The following STK36 variants were observed in gnomAD, a reference collection of about 807,000 sequenced individuals.
The protein encoded by STK36 is serine/threonine kinase 36, also known as serine/threonine-protein kinase 36.
In STK36, 116 loss-of-function variants were observed where a neutral mutation model predicts 142.2. The observed-to-expected ratio is 0.82, with a 90% confidence interval of 0.70 to 0.95. The LOEUF (loss-of-function observed/expected upper bound fraction) is 0.95. Ranked by LOEUF, STK36 falls within the 40% of genes least tolerant of loss-of-function variation. STK36 has a pLI of 0.00. For missense variants in STK36, 1,422 were observed against 1,617.2 expected (o/e 0.88, Z 2.07); for synonymous variants, 619 against 641.7 (o/e 0.96, Z 0.53).
At chr2:218,691,090 T>C (rs76550234) in intron 14 of STK36, among the ~76,000 whole-genome samples, 2,236 of 152,214 alleles carry the variant, frequency 0.015, 21 homozygotes, top group Non-Finnish European at 0.024. Flanking sequence ...CATCTAGTAT[T>C]GTCTAACCTC....
intron 10 of STK36, 90 bp downstream of exon 10, chr2:218,680,792 C>A: frequency 9.3e-7 from 1 of 1,077,982 alleles, no homozygotes; most frequent in Non-Finnish European, 1.4e-6. Flanking sequence ...TTCCCAACTC[C>A]CTAAGTATGA....
At chr2:218,690,920 C>T (rs1275246006) in intron 14 of STK36, among the ~76,000 whole-genome samples, 2 of 152,200 alleles carry the variant, frequency 1.3e-5, no homozygotes, top group Non-Finnish European at 2.9e-5. Context: ...TCTCTGCTAG[C>T]ATTTGAAGAA....
At position 218,672,090 on chromosome 2, in the gene STK36, G is replaced by A. The variant is rs1940003877; in HGVS notation, c.-215G>A. On this transcript the variant is annotated 5_prime_UTR_variant, in exon 1 of 27. Transcript: ENST00000295709. Reference sequence around the variant, plus strand: ...AACCGCAGACTCCGGGTCCTTAGCCGGGCCTGATGGCCCTGAGGCAGTTCG... The same window carrying A: ...AACCGCAGACTCCGGGTCCTTAGCCAGGCCTGATGGCCCTGAGGCAGTTCG... 1 of 1,272,158 alleles carries A rather than the reference G, an allele frequency of 7.9e-7. No individual in the cohort carries two copies. Among genetic ancestry groups the A allele is most frequent in the Non-Finnish European group, 1.1e-6 (1 of 889,596 alleles). The allele number at this position is 1,272,158 out of a possible 1,614,324, so 78.8% of individuals were successfully genotyped here.
chr2:218,701,283 C>T (rs1300680111), intron 26 of STK36, among the ~76,000 whole-genome samples: 23 of 151,416 alleles, frequency 1.5e-4, no homozygotes, highest in Admixed American at 2.6e-4. Flanking sequence ...AGGCACCTGC[C>T]GCCACACCCA....
Position 218,696,582 on chromosome 2 carries a change from T to TAGAA in STK36, c.2567_2568insAGAA (p.Leu857GlufsTer7). ...TTCTATGATGGCCTCCTTATCCTTC[T>TAGAA]GTTGCAGCTCCTCACTGAGGTACAG... On this transcript the variant is annotated frameshift_variant, in exon 22 of 27. Transcript: ENST00000295709. LOFTEE classifies it high-confidence loss of function. The TAGAA allele has an allele frequency of 6.2e-7, 1 of 1,614,210 alleles. No homozygotes were observed. The highest frequency in any genetic ancestry group is 1.3e-5 in the African/African-American group (1 of 75,070).
rs149512250 is a variant in STK36 at position 218,695,114 on chromosome 2, C to G, written c.2511+479C>G. Among the ~76,000 whole-genome samples the G allele has an allele frequency of 3.5e-4, 53 of 152,172 alleles. 1 individual carries two copies. The highest frequency in any genetic ancestry group is 6.8e-3 in the Middle Eastern group (2 of 294). ...CATTATGTAGCCTTCTTTCTGCTTT[C>G]TCCTTTCCCAGGACTTTTCTTCCTT... is the stretch of plus-strand genomic sequence containing the variant. On this transcript the variant is annotated intron_variant, in intron 21 of 26. Coordinates refer to ENST00000295709, the MANE Select transcript of STK36 (RefSeq NM_015690.5).
intron 10 of STK36, chr2:218,684,880 G>A (rs544802813): frequency 9.0e-5 from 46 of 509,392 alleles, no homozygotes; most frequent in Non-Finnish European, 1.3e-4. Context: ...CACACATGCC[G>A]GTGTTCTCCA....
At chr2:218,700,017 G>A (rs377024952) in intron 26 of STK36, among the ~76,000 whole-genome samples, 23 of 151,608 alleles carry the variant, frequency 1.5e-4, no homozygotes, top group Admixed American at 5.9e-4. Flanking sequence ...TCTGCCTCCC[G>A]GGTTCAAGCA....
In STK36 at chr2:218,673,134, C is replaced by T. The variant is rs1284940717; in HGVS notation, c.84+221C>T. On this transcript the variant is annotated intron_variant, in intron 2 of 26. Coordinates refer to ENST00000295709, the MANE Select transcript of STK36 (RefSeq NM_015690.5). Reference sequence around the variant, plus strand: ...AATTATGGACAAATTACTTAACTTCCCTATGTCTCAATTTCCTTATCTCTA... The same window carrying T: ...AATTATGGACAAATTACTTAACTTCTCTATGTCTCAATTTCCTTATCTCTA... 3 of 489,140 alleles carry T rather than the reference C, an allele frequency of 6.1e-6. No individual in the cohort carries two copies. In the East Asian group the frequency reaches 1.0e-4, roughly 17 times the overall value. 30.3% of individuals were successfully genotyped at this position (489,140 alleles called of 1,614,324 possible).
intron 12 of STK36, among the ~76,000 whole-genome samples, 163 bp downstream of exon 12, chr2:218,689,039 C>T (rs1363536676): frequency 6.6e-6 from 1 of 152,158 alleles, no homozygotes; most frequent in Admixed American, 6.5e-5. Flanking sequence ...CCTTCTGGGG[C>T]CAGGCAGATA....
intron 11 of STK36, chr2:218,688,461 C>T: frequency 1.7e-6 from 1 of 595,134 alleles, no homozygotes; most frequent in Non-Finnish European, 3.1e-6. Context: ...GAGGAGAGGC[C>T]CCTATCCGTT....
intron 21 of STK36, among the ~76,000 whole-genome samples, chr2:218,695,222 C>CTTTTTT (rs531122836): frequency 9.9e-4 from 87 of 88,070 alleles, no homozygotes; most frequent in South Asian, 1.9e-3. Flanking sequence ...ATTGTCATCC[C>CTTTTTT]TTTTTTTTTT....
At chr2:218,677,093 C>G (rs1016325815) in intron 6 of STK36, among the ~76,000 whole-genome samples, 1 of 152,148 alleles carries the variant, frequency 6.6e-6, no homozygotes, top group African/African-American at 2.4e-5. Flanking sequence ...ACCACCATGC[C>G]TGGCTAATTT....
chr2:218,690,135 C>T (rs1940939742), intron 13 of STK36, among the ~76,000 whole-genome samples, 179 bp downstream of exon 13: 1 of 152,122 alleles, frequency 6.6e-6, no homozygotes, highest in Non-Finnish European at 1.5e-5. Flanking sequence ...CCAACTTGGC[C>T]TCAAGACTTA....
chr2:218,688,509 A>G (rs949507556), intron 11 of STK36, 188 bp from the exon 12 acceptor site: 8 of 679,254 alleles, frequency 1.2e-5, no homozygotes, highest in Non-Finnish European at 2.0e-5. Context: ...CTGACCATCT[A>G]TTGTCTTCTT....
intron 13 of STK36, 146 bp downstream of exon 13, chr2:218,690,102 CT>C: frequency 2.6e-6 from 2 of 762,138 alleles, no homozygotes; most frequent in Non-Finnish European, 2.1e-6. Context: ...ACTCATAGTC[CT>C]TTTAAGGACC....
chr2:218,677,507 G>A (rs970436041), intron 6 of STK36, among the ~76,000 whole-genome samples: 10 of 152,216 alleles, frequency 6.6e-5, no homozygotes, highest in Non-Finnish European at 1.5e-4. Context: ...GGTAACTCCA[G>A]TTTGAGCCAG....
chr2:218,689,697 T>G (rs1024197776), intron 12 of STK36, among the ~76,000 whole-genome samples, 162 bp from the exon 13 acceptor site: 1 of 152,228 alleles, frequency 6.6e-6, no homozygotes, highest in Admixed American at 6.5e-5. Context: ...CATTGGCAGA[T>G]TCTCTGTTAC....
At chr2:218,684,995 T>C in intron 10 of STK36, 90 bp from the exon 11 acceptor site, 1 of 1,542,468 alleles carries the variant, frequency 6.5e-7, no homozygotes. Context: ...TTGCAGTTAC[T>C]TCATGATTCC....
Sources: gnomAD v4.1 joint callset for allele counts (sites outside exome capture counted in the v4.1 genomes callset) on GRCh38, gnomAD v4.1.1 for gene constraint, MANE v1.5 for transcripts, NCBI Gene and HGNC (gene_info 2026-07-23, HGNC 2026-07-21) for gene names.